The following ADAMTS6 variants were observed in gnomAD, a reference collection of about 807,000 sequenced individuals.
ADAMTS6 encodes the protein A disintegrin and metalloproteinase with thrombospondin motifs 6.
Under a neutral mutation model 144.3 loss-of-function variants are expected in ADAMTS6, and 23 were observed. The ratio of observed to expected loss-of-function variants is 0.16; its 90% confidence interval spans 0.11 to 0.23. The LOEUF (loss-of-function observed/expected upper bound fraction) is 0.23. Among genes scored for constraint, ADAMTS6 ranks in the 10% least tolerant of loss-of-function variants. The pLI is 1.00. For synonymous variants in ADAMTS6, 444 were observed against 457.5 expected (o/e 0.97, Z 0.38); for missense variants, 999 against 1,379.6 (o/e 0.72, Z 4.37).
intron 9 of ADAMTS6, among the ~76,000 whole-genome samples, chr5:65,318,033 G>T (rs10940029): frequency 6.8e-6 from 1 of 146,254 alleles, no homozygotes; most frequent in Non-Finnish European, 1.5e-5. Flanking sequence ...CGAGATGGTG[G>T]CACTGCACTC....
intron 24 of ADAMTS6, among the ~76,000 whole-genome samples, chr5:65,152,697 G>A (rs1408669247): frequency 6.6e-6 from 1 of 152,216 alleles, no homozygotes; most frequent in Non-Finnish European, 1.5e-5. Context: ...ATCTCCCCTT[G>A]AGGCTGGTTG....
At chr5:65,448,601 C>T (rs556985372) in intron 7 of ADAMTS6, among the ~76,000 whole-genome samples, 1 of 152,028 alleles carries the variant, frequency 6.6e-6, no homozygotes, top group South Asian at 2.1e-4. Context: ...TACAGGCGCC[C>T]GCAACCACGC....
intron 14 of ADAMTS6, among the ~76,000 whole-genome samples, chr5:65,255,152 G>A (rs903653486): frequency 6.6e-6 from 1 of 152,092 alleles, no homozygotes; most frequent in Non-Finnish European, 1.5e-5. Flanking sequence ...CCCATTTTAG[G>A]GCAAATCACT....
At chr5:65,374,792 G>C (rs1456667091) in intron 7 of ADAMTS6, among the ~76,000 whole-genome samples, 1 of 152,156 alleles carries the variant, frequency 6.6e-6, no homozygotes, top group Non-Finnish European at 1.5e-5. Context: ...AAAAGAGCCT[G>C]CATCGCCATG....
chr5:65,462,136 A>G (rs1021692196), intron 3 of ADAMTS6, among the ~76,000 whole-genome samples: 3 of 152,236 alleles, frequency 2.0e-5, no homozygotes, highest in Non-Finnish European at 4.4e-5. Context: ...ATAATATGCC[A>G]TTAACATATT....
At chr5:65,236,826 A>T (rs984418843) in intron 15 of ADAMTS6, among the ~76,000 whole-genome samples, 1 of 152,132 alleles carries the variant, frequency 6.6e-6, no homozygotes, top group African/African-American at 2.4e-5. Context: ...GCAAAAATTA[A>T]TAAGCTAGAA....
intron 14 of ADAMTS6, among the ~76,000 whole-genome samples, chr5:65,242,643 T>C (rs2112497691): frequency 6.6e-6 from 1 of 152,256 alleles, no homozygotes; most frequent in African/African-American, 2.4e-5. Flanking sequence ...TTCAGCACTA[T>C]TAATTGTGGT....
At chr5:65,223,539 G>A (rs920674515) in intron 18 of ADAMTS6, among the ~76,000 whole-genome samples, 14 of 151,924 alleles carry the variant, frequency 9.2e-5, no homozygotes, top group African/African-American at 2.4e-4. Flanking sequence ...TAGAATCCAC[G>A]TATAAATGAG....
At chr5:65,242,424 C>T (rs1236470106) in intron 14 of ADAMTS6, among the ~76,000 whole-genome samples, 1 of 152,104 alleles carries the variant, frequency 6.6e-6, no homozygotes, top group Non-Finnish European at 1.5e-5. Context: ...TTAAACAAAG[C>T]GTTACACAAT....
chr5:65,339,539 C>T (rs549237433), intron 7 of ADAMTS6, among the ~76,000 whole-genome samples: 1 of 146,784 alleles, frequency 6.8e-6, no homozygotes, highest in Admixed American at 6.7e-5. Flanking sequence ...ATATGAAATG[C>T]CAGAAAAAGA....
intron 20 of ADAMTS6, among the ~76,000 whole-genome samples, chr5:65,212,468 C>T (rs7723807): frequency 0.34 from 46,702 of 138,352 alleles, 7,894 homozygotes; most frequent in Admixed American, 0.41. Flanking sequence ...CAAGAAATCA[C>T]TTCTATTTCT....
Position 65,376,308 on chromosome 5 carries a change from G to A in ADAMTS6, c.1074-42223C>T, listed in dbSNP as rs144259394. On this transcript the variant is annotated intron_variant, in intron 7 of 24. Coordinates refer to ENST00000381055, the MANE Select transcript of ADAMTS6 (RefSeq NM_197941.4). ...AAAAATAAAAATACAATAATTAGCCGGACATGGTGGCACGCGCCTGTAGTC... is the reference window on the plus strand; with the variant it reads ...AAAAATAAAAATACAATAATTAGCCAGACATGGTGGCACGCGCCTGTAGTC... Among the ~76,000 whole-genome samples, 705 of 151,994 alleles carry A rather than the reference G, an allele frequency of 4.6e-3. 4 individuals carry two copies. The highest frequency in any genetic ancestry group is 0.016 in the African/African-American group (657 of 41,490).
At chr5:65,413,203 GAA>G (rs996593360) in intron 7 of ADAMTS6, among the ~76,000 whole-genome samples, 3 of 152,202 alleles carry the variant, frequency 2.0e-5, no homozygotes, top group African/African-American at 7.2e-5. Context: ...CTTCTCACAT[GAA>G]AATAGTTTCT....
intron 7 of ADAMTS6, among the ~76,000 whole-genome samples, chr5:65,436,205 T>C (rs1184215491): frequency 6.6e-6 from 1 of 150,480 alleles, no homozygotes. Context: ...CTAAACAACA[T>C]AGACCCCCAT....
At chr5:65,269,491 C>T (rs1292834255) in intron 12 of ADAMTS6, among the ~76,000 whole-genome samples, 1 of 152,092 alleles carries the variant, frequency 6.6e-6, no homozygotes, top group African/African-American at 2.4e-5. Flanking sequence ...TAGTGACCCA[C>T]TTGATTCCCG....
chr5:65,471,623 C>T (rs1167817071), intron 2 of ADAMTS6, among the ~76,000 whole-genome samples: 3 of 151,868 alleles, frequency 2.0e-5, no homozygotes, highest in East Asian at 1.9e-4. Context: ...CCGGGCGTTG[C>T]GGCACACGCC....
chr5:65,241,931 G>A (rs899348165), intron 15 of ADAMTS6, among the ~76,000 whole-genome samples, 173 bp downstream of exon 15: 9 of 152,044 alleles, frequency 5.9e-5, no homozygotes, highest in African/African-American at 2.2e-4. Context: ...TTATTACAGG[G>A]CAAATAAACC....
chr5:65,256,989 T>C (rs201869130), intron 14 of ADAMTS6, among the ~76,000 whole-genome samples: 34 of 123,442 alleles, frequency 2.8e-4, no homozygotes, highest in Non-Finnish European at 3.3e-4. Context: ...CTCTCTCTTT[T>C]TTTTTTTTTT....
chr5:65,469,762 CTT>C (rs1367105416), intron 3 of ADAMTS6, among the ~76,000 whole-genome samples: 3 of 152,120 alleles, frequency 2.0e-5, no homozygotes, highest in Admixed American at 2.0e-4. Flanking sequence ...AAATTTAAAA[CTT>C]ATTTAAACCC....
Sources: gnomAD v4.1 joint callset for allele counts (sites outside exome capture counted in the v4.1 genomes callset) on GRCh38, gnomAD v4.1.1 for gene constraint, MANE v1.5 for transcripts, NCBI Gene and HGNC (gene_info 2026-07-23, HGNC 2026-07-21) for gene names.